Variants in ACTR3C observed in about 807,000 individuals in gnomAD.
ACTR3C encodes actin related protein 3C, also known as actin-related protein 3C.
ACTR3C carries 18 observed loss-of-function variants against 26.3 expected under a neutral mutation model. The ratio of observed to expected loss-of-function variants is 0.68; its 90% CI spans 0.47 to 1.01. ACTR3C has a LOEUF of 1.01. ACTR3C is among the 50% of genes least tolerant of loss of function. The pLI, the probability that ACTR3C is intolerant of heterozygous loss-of-function variation, is 0.00. For synonymous variants in ACTR3C, 55 were observed against 94.5 expected (o/e 0.58, Z 2.42); for missense variants, 184 against 250.7 (o/e 0.73, Z 1.80).
At chr7:150,240,266 A>G (rs1832106003), downstream of ACTR3C, among the ~76,000 whole-genome samples, 1 of 152,234 alleles carries the variant, frequency 6.6e-6, no homozygotes, top group Admixed American at 6.5e-5. Context: ...AATGTTGTGT[A>G]AACATCACTG....
intron 1 of ACTR3C, among the ~76,000 whole-genome samples, chr7:150,308,632 T>C (rs2129615095): frequency 6.6e-6 from 1 of 152,166 alleles, no homozygotes; most frequent in East Asian, 1.9e-4. Context: ...TGCAGACCCC[T>C]CTGACCTCTC....
chr7:150,284,771 C>T lies in ACTR3C; in HGVS notation c.546G>A (p.Val182=), dbSNP rs1835635001. The T allele has an allele frequency of 9.3e-6, 15 of 1,612,858 alleles. No individual in the cohort carries two copies. In the South Asian group the frequency reaches 1.2e-4, roughly 13 times the overall value. ...CTCATACCTTATACAGCGGACGCCG[C>T]ACATCGATGGGGCAGTTCTGTATTA... The part of the protein sequence containing the change: ...DEVIQNCPID[V]RRPLYKMEQI... The change falls in exon 6 of 8, where the codon GTG becomes GTA. Residue 182 remains valine, a synonymous_variant. Transcript: ENST00000683684.
the ACTR3C span, among the ~76,000 whole-genome samples, chr7:149,918,575 A>G: frequency 6.6e-6 from 1 of 152,190 alleles, no homozygotes; most frequent in Non-Finnish European, 1.5e-5. Context: ...CTGTAATCCC[A>G]GCTACTCGGG....
chr7:150,022,348 C>T, the ACTR3C span, among the ~76,000 whole-genome samples: 1 of 150,708 alleles, frequency 6.6e-6, no homozygotes, highest in South Asian at 2.1e-4. Context: ...TGTTTGAGTT[C>T]CTTGTACATT....
chr7:149,914,647 T>C, the ACTR3C span, among the ~76,000 whole-genome samples: 11 of 147,428 alleles, frequency 7.5e-5, no homozygotes, highest in African/African-American at 2.8e-4. Flanking sequence ...AGTAAAAAAC[T>C]TAAGCTAAAA....
At chr7:149,983,797 A>G in the ACTR3C span, among the ~76,000 whole-genome samples, 1 of 152,192 alleles carries the variant, frequency 6.6e-6, no homozygotes, top group Non-Finnish European at 1.5e-5. Context: ...TTTAGCCTTA[A>G]TACAGCAGAA....
chr7:150,204,632 T>C, the ACTR3C span, among the ~76,000 whole-genome samples: 1 of 152,126 alleles, frequency 6.6e-6, no homozygotes, highest in East Asian at 1.9e-4. Context: ...TTCTCTCATC[T>C]CTCCTCCCCC....
intron 1 of ACTR3C, among the ~76,000 whole-genome samples, chr7:150,306,698 T>C (rs74515915): frequency 0.028 from 4,189 of 152,276 alleles, 151 homozygotes; most frequent in South Asian, 0.084. Context: ...AATTTAGCAA[T>C]ACCTCGCCAA....
At chr7:150,091,086 A>T in the ACTR3C span, among the ~76,000 whole-genome samples, 3 of 147,232 alleles carry the variant, frequency 2.0e-5, no homozygotes, top group South Asian at 6.8e-4. Flanking sequence ...AACATCATGA[A>T]TTTCACGGTG....
At chr7:149,981,755 G>A in the ACTR3C span, among the ~76,000 whole-genome samples, 2 of 152,108 alleles carry the variant, frequency 1.3e-5, no homozygotes, top group Non-Finnish European at 2.9e-5. Flanking sequence ...TATTACAGGG[G>A]CAGCCCGAGA....
chr7:150,208,136 C>T, the ACTR3C span, among the ~76,000 whole-genome samples: 4 of 152,104 alleles, frequency 2.6e-5, no homozygotes, highest in Admixed American at 6.6e-5. Context: ...CCATTTATCC[C>T]GAGCTTACTG....
the ACTR3C span, among the ~76,000 whole-genome samples, chr7:150,104,863 G>A: frequency 2.6e-5 from 4 of 152,036 alleles, no homozygotes; most frequent in African/African-American, 4.8e-5. Context: ...GGTCTTGAAG[G>A]TAGGTAGGAC....
the ACTR3C span, among the ~76,000 whole-genome samples, chr7:150,154,578 T>C: frequency 6.6e-6 from 1 of 152,118 alleles, no homozygotes; most frequent in Non-Finnish European, 1.5e-5. Context: ...CTCAGCCACT[T>C]TCTCTGTTGA....
chr7:150,244,482 T>A (rs1395416247), downstream of ACTR3C: 1 of 152,194 alleles, frequency 6.6e-6, no homozygotes, highest in South Asian at 2.1e-4. Flanking sequence ...TTCAATTTTT[T>A]AAATTTAAGA....
intron 1 of ACTR3C, among the ~76,000 whole-genome samples, chr7:150,311,599 C>T (rs1796327863): frequency 6.6e-6 from 1 of 152,206 alleles, no homozygotes; most frequent in African/African-American, 2.4e-5. Flanking sequence ...GCACCCAGCA[C>T]AAGTCCTGAG....
the ACTR3C span, among the ~76,000 whole-genome samples, chr7:150,131,795 G>GT: frequency 6.6e-6 from 1 of 152,228 alleles, no homozygotes; most frequent in African/African-American, 2.4e-5. Context: ...TAGCCACAAA[G>GT]TGGAAAGAAC....
At chr7:150,199,659 A>T in the ACTR3C span, among the ~76,000 whole-genome samples, 5 of 144,898 alleles carry the variant, frequency 3.5e-5, no homozygotes, top group South Asian at 6.3e-4. Context: ...TAAATAAAAA[A>T]AAATAAAACA....
At chr7:150,160,163 T>G in the ACTR3C span, among the ~76,000 whole-genome samples, 2 of 152,096 alleles carry the variant, frequency 1.3e-5, 1 homozygote, top group Non-Finnish European at 2.9e-5. Context: ...TTACCTATAA[T>G]TTACTGAAGT....
the ACTR3C span, among the ~76,000 whole-genome samples, chr7:150,225,232 T>C: frequency 6.6e-6 from 1 of 152,206 alleles, no homozygotes; most frequent in Non-Finnish European, 1.5e-5. Flanking sequence ...ACTGTGATAC[T>C]GTTTCTGAGT....
Sources: allele counts gnomAD v4.1 joint callset (sites outside exome capture counted in the v4.1 genomes callset), GRCh38; gene constraint gnomAD v4.1.1; transcripts MANE v1.5; gene names NCBI Gene and HGNC (gene_info 2026-07-23, HGNC 2026-07-21).